Variants in PATJ observed in about 807,000 individuals in gnomAD.
PATJ encodes the protein inaD-like protein.
A neutral mutation model predicts 224.9 loss-of-function variants in PATJ; 190 were observed. The observed-to-expected ratio is 0.84, with a 90% CI of 0.75 to 0.95. PATJ has a LOEUF of 0.95. Among genes scored for constraint, PATJ ranks in the 40% least tolerant of loss-of-function variants. The pLI is 0.00. For missense variants in PATJ, 2,121 were observed against 2,270.3 expected (o/e 0.93, Z 1.34); for synonymous variants, 769 against 820.3 (o/e 0.94, Z 1.07).
intron 16 of PATJ, among the ~76,000 whole-genome samples, chr1:61,831,136 T>G (rs375195309): frequency 1.4e-5 from 2 of 145,260 alleles, no homozygotes; most frequent in East Asian, 4.0e-4. Context: ...TGCAGTGAGC[T>G]GAGATGGCGC....
At chr1:61,835,918 A>G (rs907071873) in intron 17 of PATJ, among the ~76,000 whole-genome samples, 1 of 152,140 alleles carries the variant, frequency 6.6e-6, no homozygotes, top group African/African-American at 2.4e-5. Context: ...TTGCATTTCT[A>G]TTATTGTAGG....
intron 41 of PATJ, 43 bp downstream of exon 41, chr1:62,128,988 G>A: frequency 1.5e-6 from 2 of 1,341,686 alleles, no homozygotes; most frequent in African/African-American, 1.4e-5. Flanking sequence ...AGGCAGATAA[G>A]TGGCATGCAA....
chr1:62,152,969 T>C (rs1668777646), intron 42 of PATJ, among the ~76,000 whole-genome samples: 1 of 151,710 alleles, frequency 6.6e-6, no homozygotes, highest in Non-Finnish European at 1.5e-5. Context: ...TGAAACCCCA[T>C]CTCTACTAAA....
At chr1:61,933,287 T>C (rs945484114) in intron 27 of PATJ, among the ~76,000 whole-genome samples, 1 of 152,132 alleles carries the variant, frequency 6.6e-6, no homozygotes, top group Non-Finnish European at 1.5e-5. Flanking sequence ...ACGCCTGTAA[T>C]CCCAGCACTT....
intron 29 of PATJ, among the ~76,000 whole-genome samples, chr1:62,036,871 C>CAAAAAAAAAAA (rs55761910): frequency 0.014 from 924 of 67,304 alleles, 67 homozygotes; most frequent in Middle Eastern, 0.067. Flanking sequence ...GACTCCATCT[C>CAAAAAAAAAAA]AAAAAAAAAA....
chr1:61,834,375 T>C (rs1204868168), intron 17 of PATJ, among the ~76,000 whole-genome samples: 1 of 152,242 alleles, frequency 6.6e-6, no homozygotes, highest in Non-Finnish European at 1.5e-5. Flanking sequence ...ACATAATATC[T>C]ATGTATTTAT....
At chr1:62,132,828 C>T (rs565244802) in intron 41 of PATJ, among the ~76,000 whole-genome samples, 10 of 151,848 alleles carry the variant, frequency 6.6e-5, no homozygotes, top group Non-Finnish European at 1.5e-4. Context: ...TGCTTGAGCC[C>T]GGGGGGCAGA....
chr1:62,147,669 C>G (rs758645758), intron 41 of PATJ, among the ~76,000 whole-genome samples: 5 of 152,044 alleles, frequency 3.3e-5, no homozygotes, highest in Non-Finnish European at 4.4e-5. Context: ...CGTACTGGCA[C>G]TCGCCTGTAG....
At chr1:61,835,004 C>T (rs567531894) in intron 17 of PATJ, among the ~76,000 whole-genome samples, 2 of 152,314 alleles carry the variant, frequency 1.3e-5, no homozygotes, top group East Asian at 1.9e-4. Flanking sequence ...GCTGGGATTA[C>T]AGGCATGAGC....
At chr1:61,867,482 T>G (rs888235471) in intron 20 of PATJ, among the ~76,000 whole-genome samples, 1 of 152,160 alleles carries the variant, frequency 6.6e-6, no homozygotes, top group Non-Finnish European at 1.5e-5. Flanking sequence ...TTTTAATGTA[T>G]ACACTTTTAA....
At chr1:62,158,010 G>GTGTTT (rs1455943434) in intron 43 of PATJ, among the ~76,000 whole-genome samples, 1 of 148,816 alleles carries the variant, frequency 6.7e-6, no homozygotes, top group African/African-American at 2.4e-5. Context: ...GTTGTCACTA[G>GTGTTT]TGTTTTATTT....
intron 1 of PATJ, among the ~76,000 whole-genome samples, chr1:61,760,619 C>CTTTTTTTTTTTTTTTTTTTTTTTT (rs200693394): frequency 7.4e-6 from 1 of 135,482 alleles, no homozygotes; most frequent in Non-Finnish European, 1.6e-5. Context: ...TTTTCTTTTT[C>CTTTTTTTTTTTTTTTTTTTTTTTT]TTTTTTTTTT....
intron 17 of PATJ, among the ~76,000 whole-genome samples, chr1:61,853,675 G>A (rs538322602): frequency 6.6e-6 from 1 of 152,314 alleles, no homozygotes; most frequent in South Asian, 2.1e-4. Context: ...ATTCATGGTT[G>A]CCAGTGACAA....
At chr1:61,998,012 ATTAAT>A (rs1569847470) in intron 28 of PATJ, among the ~76,000 whole-genome samples, 2 of 115,696 alleles carry the variant, frequency 1.7e-5, no homozygotes, top group African/African-American at 6.8e-5. Context: ...TATTATATAT[ATTAAT>A]TATATATAAT....
intron 34 of PATJ, among the ~76,000 whole-genome samples, chr1:62,113,586 G>A (rs1205424838): frequency 6.6e-6 from 1 of 152,076 alleles, no homozygotes; most frequent in Admixed American, 6.5e-5. Flanking sequence ...CAGTAAGCCA[G>A]CATTCATGCC....
rs184979975 is a variant in PATJ, at chr1:62,084,602, G to A, written c.4331G>A (p.Arg1444His). ...ATGATTATAGAAATATCCAAGGGAC[G>A]TTCAGGGCTTGGTCTCAGCATTGTG... Reference protein sequence around the residue: ...QEMIIEISKGRSGLGLSIVGG... With the variant: ...QEMIIEISKGHSGLGLSIVGG... The change falls in exon 33 of 44, where the codon CGT (arginine) becomes CAT (histidine). Residue 1444 changes from arginine to histidine, a missense_variant. Transcript: ENST00000642238. The A allele has an allele frequency of 3.7e-6, 6 of 1,613,388 alleles. No individual in the cohort carries two copies. The African/African-American group carries it at 5.3e-5, about 14-fold the overall frequency.
intron 29 of PATJ, among the ~76,000 whole-genome samples, chr1:62,025,683 C>A (rs1213458356): frequency 6.6e-6 from 1 of 152,186 alleles, no homozygotes; most frequent in East Asian, 1.9e-4. Context: ...ATTAGCTGGG[C>A]ATGGCGACAT....
intron 42 of PATJ, among the ~76,000 whole-genome samples, chr1:62,149,901 A>G (rs1415884767): frequency 1.3e-5 from 2 of 152,026 alleles, no homozygotes; most frequent in East Asian, 3.9e-4. Flanking sequence ...GGCAAATTCC[A>G]TCTGATGTTG....
At chr1:62,097,144 A>G (rs1661487186) in intron 33 of PATJ, among the ~76,000 whole-genome samples, 1 of 152,306 alleles carries the variant, frequency 6.6e-6, no homozygotes, top group South Asian at 2.1e-4. Context: ...TCATAAATCT[A>G]TGATAGGTGG....
Sources: gnomAD v4.1 joint callset for allele counts (sites outside exome capture counted in the v4.1 genomes callset) on GRCh38, gnomAD v4.1.1 for gene constraint, MANE v1.5 for transcripts, NCBI Gene and HGNC (gene_info 2026-07-23, HGNC 2026-07-21) for gene names.